Variants in ASIC2 observed in about 807,000 individuals in gnomAD.
The protein encoded by ASIC2 is acid-sensing ion channel 2.
A neutral mutation model predicts 57.3 loss-of-function variants in ASIC2; 25 were observed. The observed-to-expected ratio is 0.44, with a 90% CI of 0.32 to 0.61. ASIC2 has a LOEUF of 0.61. ASIC2 is among the 20% of genes least tolerant of loss of function. The pLI is 0.06. For missense variants in ASIC2, 641 were observed against 738.1 expected (o/e 0.87, Z 1.52); for synonymous variants, 319 against 307.5 (o/e 1.04, Z -0.39).
chr17:33,053,337 T>C (rs978045573), intron 3 of ASIC2, among the ~76,000 whole-genome samples: 14 of 152,202 alleles, frequency 9.2e-5, no homozygotes, highest in Non-Finnish European at 1.8e-4. Flanking sequence ...AGCTTATAAC[T>C]TGAAGAGCAC....
chr17:33,037,389 CTTTTTTTTTTTTT>C (rs35286664), intron 3 of ASIC2, among the ~76,000 whole-genome samples: 1 of 123,832 alleles, frequency 8.1e-6, no homozygotes, highest in Non-Finnish European at 1.6e-5. Flanking sequence ...ACTTCCCCCT[CTTTTTTTTTTTTT>C]TTTTTTTTTT....
At chr17:33,804,438 T>G (rs1465852157) in intron 1 of ASIC2, among the ~76,000 whole-genome samples, 1 of 152,162 alleles carries the variant, frequency 6.6e-6, no homozygotes, top group Non-Finnish European at 1.5e-5. Flanking sequence ...CCACTGGGCA[T>G]GCTGCTTTTC....
At chr17:33,583,419 T>G (rs1904506660) in intron 1 of ASIC2, among the ~76,000 whole-genome samples, 1 of 152,084 alleles carries the variant, frequency 6.6e-6, no homozygotes, top group Admixed American at 6.5e-5. Flanking sequence ...GTGTGGACAT[T>G]TCTCTGCCTG....
chr17:33,207,506 G>A (rs560040265), intron 1 of ASIC2, among the ~76,000 whole-genome samples: 4 of 152,256 alleles, frequency 2.6e-5, no homozygotes, highest in African/African-American at 9.6e-5. Flanking sequence ...AAAAGAAACA[G>A]GGACAGACTG....
intron 1 of ASIC2, among the ~76,000 whole-genome samples, chr17:33,133,263 G>A (rs8066490): frequency 0.22 from 33,440 of 152,110 alleles, 3,778 homozygotes; most frequent in Middle Eastern, 0.33. Flanking sequence ...AGGGCACAGC[G>A]TTGGCAGAGG....
At chr17:33,313,892 G>A (rs1419233495) in intron 1 of ASIC2, among the ~76,000 whole-genome samples, 2 of 152,014 alleles carry the variant, frequency 1.3e-5, no homozygotes, top group African/African-American at 4.8e-5. Flanking sequence ...TGACAGAGAT[G>A]GGAAAGTTCA....
chr17:33,128,764 A>G (rs1397471391), intron 1 of ASIC2, among the ~76,000 whole-genome samples: 2 of 152,214 alleles, frequency 1.3e-5, no homozygotes, highest in Non-Finnish European at 1.5e-5. Flanking sequence ...AGAGTGAAGC[A>G]ATGTCAGCTA....
chr17:33,798,256 T>A (rs1911978383), intron 1 of ASIC2, among the ~76,000 whole-genome samples: 1 of 151,956 alleles, frequency 6.6e-6, no homozygotes, highest in Non-Finnish European at 1.5e-5. Context: ...ATGAGATAAT[T>A]GTATAGAAAG....
chr17:33,960,227 T>C (rs1904875567), intron 1 of ASIC2, among the ~76,000 whole-genome samples: 1 of 152,218 alleles, frequency 6.6e-6, no homozygotes, highest in African/African-American at 2.4e-5. Context: ...GCAACCTCTG[T>C]CTTCTCATGA....
chr17:33,049,732 A>G (rs1294953062), intron 3 of ASIC2, among the ~76,000 whole-genome samples: 1 of 152,196 alleles, frequency 6.6e-6, no homozygotes, highest in Non-Finnish European at 1.5e-5. Flanking sequence ...TTAGCTTTAC[A>G]TTACAGGGTT....
intron 1 of ASIC2, among the ~76,000 whole-genome samples, chr17:33,509,573 C>A (rs1309682619): frequency 1.3e-5 from 2 of 152,136 alleles, no homozygotes; most frequent in Non-Finnish European, 2.9e-5. Flanking sequence ...TCATAACTGG[C>A]TGGCGGGGCT....
intron 1 of ASIC2, among the ~76,000 whole-genome samples, chr17:33,324,134 C>T (rs1473026661): frequency 6.6e-6 from 1 of 152,176 alleles, no homozygotes; most frequent in Admixed American, 6.5e-5. Flanking sequence ...TGTTAACCAT[C>T]TCTCACAGAG....
chr17:34,130,544 G>C (rs894668734), intron 1 of ASIC2, among the ~76,000 whole-genome samples: 1 of 152,206 alleles, frequency 6.6e-6, no homozygotes, highest in African/African-American at 2.4e-5. Context: ...GAAAGATATA[G>C]TCCCTGTTGA....
At chr17:33,278,921 C>A (rs534070537) in intron 1 of ASIC2, among the ~76,000 whole-genome samples, 2 of 152,088 alleles carry the variant, frequency 1.3e-5, no homozygotes, top group African/African-American at 4.8e-5. Flanking sequence ...GAAGGGGAAC[C>A]TGACTCAATG....
chr17:33,047,787 A>C (rs144218715), intron 3 of ASIC2, among the ~76,000 whole-genome samples: 1 of 152,350 alleles, frequency 6.6e-6, no homozygotes, highest in African/African-American at 2.4e-5. Context: ...TCTGGGGTAC[A>C]TCATGAAAAC....
chr17:33,355,173 A>T (rs1042278658), intron 1 of ASIC2, among the ~76,000 whole-genome samples: 1 of 152,124 alleles, frequency 6.6e-6, no homozygotes, highest in Non-Finnish European at 1.5e-5. Flanking sequence ...ACTCTACTAA[A>T]GTTATAAAAA....
chr17:33,599,949 C>A (rs1422595527), intron 1 of ASIC2, among the ~76,000 whole-genome samples: 1 of 152,146 alleles, frequency 6.6e-6, no homozygotes, highest in Non-Finnish European at 1.5e-5. Context: ...TCTTCTTTTT[C>A]TCTCCTTGTG....
intron 1 of ASIC2, among the ~76,000 whole-genome samples, chr17:33,769,325 G>C (rs536367645): frequency 6.6e-6 from 1 of 152,342 alleles, no homozygotes; most frequent in Admixed American, 6.5e-5. Context: ...CGTGGGTTCT[G>C]CATGGAGCTT....
At chr17:33,467,594 C>T (rs1567622237) in intron 1 of ASIC2, among the ~76,000 whole-genome samples, 1 of 152,194 alleles carries the variant, frequency 6.6e-6, no homozygotes, top group African/African-American at 2.4e-5. Flanking sequence ...CTCTGAAGCC[C>T]TTGCTACCTG....
Sources: allele counts gnomAD v4.1 joint callset (sites outside exome capture counted in the v4.1 genomes callset), GRCh38; gene constraint gnomAD v4.1.1; transcripts MANE v1.5; gene names NCBI Gene and HGNC (gene_info 2026-07-23, HGNC 2026-07-21).